AKAP13: variants seen among roughly 807,000 people sequenced by gnomAD.
The protein encoded by AKAP13 is A-kinase anchoring protein 13.
Under a neutral mutation model 264.5 loss-of-function variants are expected in AKAP13, and 80 were observed. The observed-to-expected ratio is 0.30, with a 90% CI of 0.25 to 0.36. AKAP13 has a LOEUF of 0.36. AKAP13 is among the 10% of genes least tolerant of loss of function. AKAP13 has a pLI of 1.00. For synonymous variants in AKAP13, 1,380 were observed against 1,250.2 expected, an observed-to-expected ratio of 1.10 and a Z score of -2.19; for missense variants, 3,712 against 3,435.2, an observed-to-expected ratio of 1.08 and a Z score of -2.01.
intron 20 of AKAP13, chr15:85,717,005 T>C (rs2086989734): frequency 1.3e-5 from 4 of 309,948 alleles, no homozygotes; most frequent in Non-Finnish European, 5.9e-6. Context: ...TCTTATATAA[T>C]GTGTACATGG....
rs545076852 is a variant in AKAP13, at chr15:85,581,226, G to A, written c.3158G>A (p.Gly1053Glu). Residue 1053 changes from glycine (G) to glutamate (E), a missense_variant, in exon 7 of 37, where the codon GGG becomes GAG. Physicochemically the swap from Gly to Glu is moderately conservative, Grantham distance 98 (BLOSUM62 -2). Coordinates refer to ENST00000394518, the MANE Select transcript of AKAP13 (RefSeq NM_007200.5). ...LPCLLPDGSD[G>E]SDALNCSQPS... ...TGTCTGTTGCCAGATGGGTCTGATG[G>A]GTCCGATGCTCTTAACTGCAGTCAG... 6 of 1,614,124 alleles carry A rather than the reference G, an allele frequency of 3.7e-6. No homozygotes were observed. The highest frequency in any genetic ancestry group is 2.7e-5 in the African/African-American group (2 of 75,030).
chr15:85,521,589 T>C lies in AKAP13; in HGVS notation c.181+14T>C. ...CCATTGCTCCTGGTAAGTATTTGAATGGGATCCTTACTAGCTTTTCCTAGT... is the reference window on the plus strand; with the variant it reads ...CCATTGCTCCTGGTAAGTATTTGAACGGGATCCTTACTAGCTTTTCCTAGT... On this transcript the variant is annotated intron_variant, in intron 3 of 36. Transcript: ENST00000394518. 1 of 1,613,076 alleles carries C rather than the reference T, an allele frequency of 6.2e-7. No individual in the cohort carries two copies. The highest frequency in any genetic ancestry group is 1.3e-5 in the African/African-American group (1 of 75,034).
At chr15:85,558,139 C>T (rs772959912) in intron 5 of AKAP13, among the ~76,000 whole-genome samples, 14 of 152,100 alleles carry the variant, frequency 9.2e-5, no homozygotes, top group African/African-American at 3.4e-4. Flanking sequence ...AAAATCTGAT[C>T]GCTTGTAAGT....
chr15:85,532,613 A>G (rs2077276142), intron 3 of AKAP13, among the ~76,000 whole-genome samples: 1 of 152,240 alleles, frequency 6.6e-6, no homozygotes, highest in Non-Finnish European at 1.5e-5. Flanking sequence ...GCTATTTGAG[A>G]TCAGTGTGTG....
At chr15:85,569,613 C>T (rs535079324) in intron 5 of AKAP13, among the ~76,000 whole-genome samples, 54 of 152,018 alleles carry the variant, frequency 3.6e-4, no homozygotes, top group African/African-American at 1.1e-3. Context: ...CCACTACACC[C>T]GGCTAATTTT....
chr15:85,627,189 C>T (rs964165493), intron 8 of AKAP13, among the ~76,000 whole-genome samples: 12 of 152,102 alleles, frequency 7.9e-5, no homozygotes, highest in Non-Finnish European at 1.6e-4. Context: ...ATGAAGCTAG[C>T]GCCAGCCTTT....
At chr15:85,600,366 G>A (rs1296432527) in intron 8 of AKAP13, among the ~76,000 whole-genome samples, 2 of 146,914 alleles carry the variant, frequency 1.4e-5, no homozygotes, top group Non-Finnish European at 3.0e-5. Context: ...CCTCTGAAAA[G>A]CGTTTTATCA....
At chr15:85,675,117 C>T (rs150122279) in intron 14 of AKAP13, among the ~76,000 whole-genome samples, 27 of 152,236 alleles carry the variant, frequency 1.8e-4, no homozygotes, top group African/African-American at 6.5e-4. Flanking sequence ...CAGGGATACT[C>T]TAGACACTCA....
intron 15 of AKAP13, among the ~76,000 whole-genome samples, chr15:85,684,124 A>G (rs1472323473): frequency 1.3e-5 from 2 of 152,192 alleles, no homozygotes; most frequent in African/African-American, 4.8e-5. Flanking sequence ...TCTGCTACAT[A>G]TATGGGTTTC....
rs1244139602 is a variant in AKAP13, at chr15:85,413,955, A to G, written c.-12+33157A>G. Among the ~76,000 whole-genome samples, 5 of 152,160 alleles carry G rather than the reference A, an allele frequency of 3.3e-5. No homozygotes were observed. In the South Asian group the frequency reaches 6.2e-4, roughly 19 times the overall value. ...AAGAATATATGTATATTTTAATTAT[A>G]CTTTTTTATACTCATTCAACTTTCA... On this transcript the variant is annotated intron_variant, in intron 1 of 36. Transcript: ENST00000394518.
chr15:85,675,425 A>C (rs530972264), intron 14 of AKAP13, among the ~76,000 whole-genome samples: 44 of 152,340 alleles, frequency 2.9e-4, no homozygotes, highest in Non-Finnish European at 6.2e-4. Flanking sequence ...AGGTAGGTAC[A>C]GGGCTTTTTC....
At chr15:85,701,998 C>T (rs1051087881) in intron 17 of AKAP13, 1 of 152,152 alleles carries the variant, frequency 6.6e-6, no homozygotes, top group African/African-American at 2.4e-5. Context: ...GTAATCCCAG[C>T]ACTTTAGGAG....
intron 1 of AKAP13, among the ~76,000 whole-genome samples, chr15:85,442,439 A>C (rs1209053172): frequency 3.2e-5 from 4 of 126,578 alleles, no homozygotes; most frequent in Non-Finnish European, 6.7e-5. Flanking sequence ...TATATATATA[A>C]TATAAAATAT....
At chr15:85,507,483 G>A (rs1178752708) in intron 2 of AKAP13, among the ~76,000 whole-genome samples, 2 of 151,906 alleles carry the variant, frequency 1.3e-5, no homozygotes, top group Non-Finnish European at 2.9e-5. Context: ...GATAAAGTTT[G>A]CCAATCCTGA....
chr15:85,539,477 T>C (rs998674139), intron 4 of AKAP13, among the ~76,000 whole-genome samples: 1 of 152,208 alleles, frequency 6.6e-6, no homozygotes. Flanking sequence ...TAGGTATAGA[T>C]TCAAAGAGTA....
intron 8 of AKAP13, among the ~76,000 whole-genome samples, chr15:85,617,401 G>A (rs1288099565): frequency 6.6e-6 from 1 of 152,178 alleles, no homozygotes; most frequent in Non-Finnish European, 1.5e-5. Context: ...GTGCCAACAT[G>A]CCTGGCTAAT....
Position 85,458,386 on chromosome 15 carries a change from G to GTTTTTTTTTTTTTTT in AKAP13, c.-11-27318_-11-27317insTTTTTTTTTTTTTTT, listed in dbSNP as rs1160050565. ...TTTTTTCTCTTTTTTTGTATTTTTT[G>GTTTTTTTTTTTTTTT]TTTTTTGTTTTTTTTTTTTTTTACT... On this transcript the variant is annotated intron_variant, in intron 1 of 36. Transcript: ENST00000394518. Among the ~76,000 whole-genome samples, 21 of 103,866 alleles carry GTTTTTTTTTTTTTTT rather than the reference G, an allele frequency of 2.0e-4. 1 individual carries two copies. Among genetic ancestry groups the GTTTTTTTTTTTTTTT allele is most frequent in the African/African-American group, 8.7e-4 (17 of 19,536 alleles). 68.1% of individuals were successfully genotyped at this position (103,866 alleles called of 152,430 possible).
At chr15:85,567,941 G>GGGGTGTGTGT (rs370286691) in intron 5 of AKAP13, among the ~76,000 whole-genome samples, 1 of 141,828 alleles carries the variant, frequency 7.1e-6, no homozygotes, top group Non-Finnish European at 1.5e-5. Context: ...AGCCCAAAGA[G>GGGGTGTGTGT]GTGTGTGTGT....
chr15:85,601,330 C>T (rs1344326941), intron 8 of AKAP13, among the ~76,000 whole-genome samples: 1 of 152,106 alleles, frequency 6.6e-6, no homozygotes, highest in East Asian at 1.9e-4. Flanking sequence ...TTTATTTGCC[C>T]TTCAGAAAAC....
Sources: gnomAD v4.1 joint callset for allele counts (sites outside exome capture counted in the v4.1 genomes callset) on GRCh38, gnomAD v4.1.1 for gene constraint, MANE v1.5 for transcripts, NCBI Gene and HGNC (gene_info 2026-07-23, HGNC 2026-07-21) for gene names.